KNTC1: variants seen among roughly 807,000 people sequenced by gnomAD.
KNTC1 encodes kinetochore associated 1, also known as kinetochore-associated protein 1.
Under a neutral mutation model 314.4 loss-of-function variants are expected in KNTC1, and 253 were observed. The observed-to-expected ratio is 0.80, with a 90% CI of 0.73 to 0.89. The LOEUF is 0.89. KNTC1 is among the 40% of genes least tolerant of loss of function. The pLI is 0.00. For synonymous variants in KNTC1, 901 were observed against 901.4 expected, an observed-to-expected ratio of 1.00 and a Z score of 0.01; for missense variants, 2,475 against 2,572.9, an observed-to-expected ratio of 0.96 and a Z score of 0.82.
intron 18 of KNTC1, among the ~76,000 whole-genome samples, 184 bp downstream of exon 18, chr12:122,557,873 C>T (rs539836462): frequency 2.6e-5 from 4 of 152,272 alleles, no homozygotes; most frequent in South Asian, 2.1e-4. Context: ...TTAAAGTATA[C>T]AGTTCAGTGG....
At chr12:122,541,999 A>C in intron 5 of KNTC1, 51 bp from the exon 6 acceptor site, 1 of 1,467,292 alleles carries the variant, frequency 6.8e-7, no homozygotes. Flanking sequence ...TAGCGACAGA[A>C]TGAGACTCCA....
intron 40 of KNTC1, 80 bp from the exon 41 acceptor site, chr12:122,590,527 G>T: frequency 3.1e-5 from 39 of 1,274,006 alleles, no homozygotes; most frequent in Admixed American, 7.7e-5. Context: ...CTCTTTATTT[G>T]TATTTCTGCC....
At position 122,547,415 on chromosome 12, in the gene KNTC1, A is replaced by T. The variant is rs748916551; in HGVS notation, c.817A>T (p.Asn273Tyr). Residue 273 changes from asparagine (N) to tyrosine (Y), a missense_variant and splice_region_variant, in exon 11 of 64, where the codon AAC (asparagine) becomes TAC (tyrosine). By Grantham distance (143) the Asn-to-Tyr change is moderately radical. Transcript: ENST00000333479. ...DNLLFVLDTD[N>Y]VLSLWDIYTL... ...TGTAAATGAAATGTCTCTATTGCAG[A>T]ACGTGCTGAGTTTATGGGATATTTA... The T allele has an allele frequency of 5.0e-6, 8 of 1,585,448 alleles. No individual in the cohort carries two copies. The Admixed American group carries it at 1.3e-4, about 27-fold the overall frequency.
intron 5 of KNTC1, among the ~76,000 whole-genome samples, chr12:122,540,036 G>C (rs1406980189): frequency 6.6e-6 from 1 of 151,708 alleles, no homozygotes; most frequent in Admixed American, 6.6e-5. Context: ...CACCTGCCTC[G>C]GCCTCCCAAA....
At chr12:122,615,198 G>A in intron 56 of KNTC1, 112 bp downstream of exon 56, 1 of 862,992 alleles carries the variant, frequency 1.2e-6, no homozygotes, top group East Asian at 2.7e-5. Context: ...TGAAAACACA[G>A]TCACTCTCAC....
At chr12:122,586,191 T>C (rs551851870) in intron 37 of KNTC1, among the ~76,000 whole-genome samples, 93 of 152,358 alleles carry the variant, frequency 6.1e-4, no homozygotes, top group Non-Finnish European at 1.2e-3. Flanking sequence ...CAAGCAATTA[T>C]CGTGCCTCAG....
intron 18 of KNTC1, 135 bp downstream of exon 18, chr12:122,557,824 C>A: frequency 3.2e-6 from 2 of 629,874 alleles, no homozygotes; most frequent in Non-Finnish European, 2.8e-6. Flanking sequence ...TTTATAATAG[C>A]TTAATGGAGA....
In KNTC1 at chr12:122,607,279, G is replaced by A. The variant is rs147170392; in HGVS notation, c.5496+1864G>A. Among the ~76,000 whole-genome samples, 280 of 152,252 alleles carry A rather than the reference G, an allele frequency of 1.8e-3. 4 individuals carry two copies. Among genetic ancestry groups the A allele is most frequent in the African/African-American group, 6.5e-3 (269 of 41,548 alleles). ...GGGTTTCACCATGTTGGCCGGGCTGGTCTCGAACTCCTGGCCTCATATGTT... is the reference window on the plus strand; with the variant it reads ...GGGTTTCACCATGTTGGCCGGGCTGATCTCGAACTCCTGGCCTCATATGTT... On this transcript the variant is annotated intron_variant, in intron 51 of 63. Coordinates refer to ENST00000333479, the MANE Select transcript of KNTC1 (RefSeq NM_014708.6).
intron 51 of KNTC1, among the ~76,000 whole-genome samples, chr12:122,606,025 G>T (rs35417323): frequency 0.6 from 90,816 of 150,390 alleles, 27,594 homozygotes; most frequent in East Asian, 0.83. Flanking sequence ...TGTTTTTTTT[G>T]TTTGTTTGTT....
At chr12:122,586,512 A>G (rs1041638154) in intron 37 of KNTC1, among the ~76,000 whole-genome samples, 189 bp from the exon 38 acceptor site, 2 of 152,168 alleles carry the variant, frequency 1.3e-5, no homozygotes, top group African/African-American at 4.8e-5. Context: ...CTTTTTTTAT[A>G]ATAGTGAAAT....
At position 122,613,732 on chromosome 12, in the gene KNTC1, C is replaced by T; in HGVS notation, c.5848C>T (p.Leu1950=). The change falls in exon 55 of 64, where the codon CTG becomes TTG. Residue 1950 remains leucine, a synonymous_variant. Transcript: ENST00000333479. ...TCCTAAAGAAGGAATGATTAAGGGT[C>T]TGTGGAAAAACCACAGCCACGAGTC... The part of the protein sequence containing the change: ...SSPKEGMIKG[L]WKNHSHESMA... The T allele has an allele frequency of 6.2e-7, 1 of 1,611,582 alleles. No individual in the cohort carries two copies. Among genetic ancestry groups the T allele is most frequent in the Non-Finnish European group, 8.5e-7 (1 of 1,179,110 alleles).
chr12:122,626,010 T>C (rs1369635660), intron 63 of KNTC1, among the ~76,000 whole-genome samples, 195 bp from the exon 64 acceptor site: 1 of 152,214 alleles, frequency 6.6e-6, no homozygotes, highest in East Asian at 1.9e-4. Context: ...TACTTTTTTT[T>C]TCAGAAGGGG....
At chr12:122,605,150 GTA>G in intron 50 of KNTC1, 63 bp downstream of exon 50, 1 of 1,396,188 alleles carries the variant, frequency 7.2e-7, no homozygotes, top group African/African-American at 1.4e-5. Context: ...TCAGTTTTAT[GTA>G]TATATGTACG....
chr12:122,559,495 A>G (rs1167699310), intron 18 of KNTC1, among the ~76,000 whole-genome samples: 3 of 152,106 alleles, frequency 2.0e-5, no homozygotes, highest in Non-Finnish European at 4.4e-5. Flanking sequence ...TGGGTTGTTT[A>G]TACTTTTTTC....
intron 33 of KNTC1, among the ~76,000 whole-genome samples, chr12:122,582,364 C>T (rs769264570): frequency 2.0e-5 from 3 of 152,148 alleles, no homozygotes; most frequent in Non-Finnish European, 4.4e-5. Flanking sequence ...GCTGCAGGAG[C>T]TGTGTTTATA....
At chr12:122,604,225 T>G (rs1872325078) in intron 48 of KNTC1, among the ~76,000 whole-genome samples, 1 of 143,584 alleles carries the variant, frequency 7.0e-6, no homozygotes, top group Non-Finnish European at 1.5e-5. Context: ...CAGTTTGGAG[T>G]GCAGTGGCGT....
intron 29 of KNTC1, among the ~76,000 whole-genome samples, chr12:122,576,637 C>T (rs554543874): frequency 3.3e-5 from 5 of 152,074 alleles, no homozygotes; most frequent in South Asian, 4.2e-4. Flanking sequence ...GCCGAGATTG[C>T]GCCACTGCAC....
chr12:122,618,532 A>C lies in KNTC1; in HGVS notation c.6136A>C (p.Ile2046Leu). ...GCTGTCAGATTGTTCTGAGAGTCTC[A>C]TCGCTGTCCTCGAGTAAGCAAAATA... The part of the protein sequence containing the change: ...DQLSDCSESL[I>L]AVLECPVSGD... Residue 2046 changes from isoleucine (I) to leucine (L), a missense_variant, in exon 59 of 64, where the codon ATC becomes CTC. Physicochemically the swap from Ile to Leu is conservative, Grantham distance 5 (BLOSUM62 2). Transcript: ENST00000333479. The C allele has an allele frequency of 6.2e-7, 1 of 1,610,936 alleles. No homozygotes were observed. The highest frequency in any genetic ancestry group is 1.1e-5 in the South Asian group (1 of 91,040).
chr12:122,623,941 G>C (rs1668251435), intron 62 of KNTC1, among the ~76,000 whole-genome samples: 2 of 151,976 alleles, frequency 1.3e-5, no homozygotes, highest in African/African-American at 4.8e-5. Flanking sequence ...GGTGGCGCAT[G>C]CCTGTAATCC....
Sources: gnomAD v4.1 joint callset for allele counts (sites outside exome capture counted in the v4.1 genomes callset) on GRCh38, gnomAD v4.1.1 for gene constraint, MANE v1.5 for transcripts, NCBI Gene and HGNC (gene_info 2026-07-23, HGNC 2026-07-21) for gene names.